Variants in ADAMTS20 observed in about 807,000 individuals in gnomAD.
ADAMTS20 encodes ADAM metallopeptidase with thrombospondin type 1 motif 20.
ADAMTS20 carries 225 observed loss-of-function variants against 260.1 expected under a neutral mutation model. The observed-to-expected ratio is 0.87, with a 90% CI of 0.78 to 0.97. ADAMTS20 has a LOEUF of 0.97. ADAMTS20 is among the 50% of genes least tolerant of loss of function. The pLI is 0.00. For synonymous variants in ADAMTS20, 802 were observed against 769.5 expected (o/e 1.04, Z -0.70); for missense variants, 2,400 against 2,337.7 (o/e 1.03, Z -0.55).
intron 7 of ADAMTS20, among the ~76,000 whole-genome samples, chr12:43,484,012 C>T (rs369422749): frequency 5.9e-5 from 9 of 152,248 alleles, no homozygotes; most frequent in South Asian, 2.1e-4. Flanking sequence ...CACATCACTA[C>T]GACTACCAGC....
chr12:43,382,572 A>G (rs901271378), intron 31 of ADAMTS20, among the ~76,000 whole-genome samples: 1 of 152,172 alleles, frequency 6.6e-6, no homozygotes, highest in African/African-American at 2.4e-5. Context: ...TGATGCTTGC[A>G]CATACAGGTG....
At chr12:43,474,716 T>C (rs1172870719) in intron 7 of ADAMTS20, among the ~76,000 whole-genome samples, 1 of 68,064 alleles carries the variant, frequency 1.5e-5, no homozygotes, top group African/African-American at 5.7e-5. Context: ...ATCCAGCATA[T>C]AAACAGAGCC....
chr12:43,461,361 A>C (rs1409284656), intron 11 of ADAMTS20, among the ~76,000 whole-genome samples: 2 of 152,096 alleles, frequency 1.3e-5, no homozygotes, highest in Non-Finnish European at 2.9e-5. Context: ...GTGCATCCAC[A>C]TTTGTTAAAA....
intron 7 of ADAMTS20, among the ~76,000 whole-genome samples, chr12:43,470,440 C>A (rs1212112237): frequency 6.6e-6 from 1 of 152,100 alleles, no homozygotes; most frequent in East Asian, 1.9e-4. Flanking sequence ...GATTAGAGAC[C>A]AAGCTCAAAT....
intron 14 of ADAMTS20, 122 bp downstream of exon 14, chr12:43,452,151 CT>C (rs1163935484): frequency 1.9e-6 from 2 of 1,033,640 alleles, no homozygotes; most frequent in African/African-American, 3.3e-5. Flanking sequence ...ACAAAGGTTG[CT>C]TTGTTGGAAT....
chr12:43,508,693 C>T (rs1942880160), intron 3 of ADAMTS20, among the ~76,000 whole-genome samples: 1 of 152,074 alleles, frequency 6.6e-6, no homozygotes, highest in Admixed American at 6.6e-5. Flanking sequence ...GCATATAGTA[C>T]ATAATAACAT....
intron 3 of ADAMTS20, among the ~76,000 whole-genome samples, chr12:43,513,239 G>A (rs1156769952): frequency 6.6e-6 from 1 of 152,152 alleles, no homozygotes; most frequent in Non-Finnish European, 1.5e-5. Flanking sequence ...AGACAATGGA[G>A]CACACTGGTC....
At chr12:43,438,199 C>T (rs1472894302) in intron 18 of ADAMTS20, among the ~76,000 whole-genome samples, 1 of 152,112 alleles carries the variant, frequency 6.6e-6, no homozygotes, top group Non-Finnish European at 1.5e-5. Context: ...CATGTTTTTC[C>T]AAACTTCCAT....
intron 2 of ADAMTS20, among the ~76,000 whole-genome samples, chr12:43,534,431 T>C (rs1943265744): frequency 6.6e-6 from 1 of 152,224 alleles, no homozygotes; most frequent in East Asian, 1.9e-4. Context: ...ACATTAACAA[T>C]GTATTTGCCC....
At chr12:43,506,784 T>C (rs1386746813) in intron 3 of ADAMTS20, among the ~76,000 whole-genome samples, 1 of 150,696 alleles carries the variant, frequency 6.6e-6, no homozygotes, top group East Asian at 1.9e-4. Flanking sequence ...GGCCACCTTT[T>C]TTTTTTTTTT....
intron 3 of ADAMTS20, among the ~76,000 whole-genome samples, chr12:43,522,060 G>A (rs1030340412): frequency 8.5e-5 from 13 of 152,154 alleles, no homozygotes; most frequent in South Asian, 2.1e-4. Context: ...TCGTTCTCAC[G>A]CTGCTATGAA....
chr12:43,467,347 T>G (rs928224530), intron 8 of ADAMTS20, among the ~76,000 whole-genome samples: 1 of 152,060 alleles, frequency 6.6e-6, no homozygotes, highest in Non-Finnish European at 1.5e-5. Context: ...GGCAGTCACA[T>G]CTTCATGACT....
At chr12:43,537,819 C>T (rs1413086439) in intron 2 of ADAMTS20, among the ~76,000 whole-genome samples, 2 of 152,160 alleles carry the variant, frequency 1.3e-5, no homozygotes, top group Non-Finnish European at 2.9e-5. Context: ...TCTCTAATTC[C>T]ATCCCCATTG....
chr12:43,389,955 T>A (rs61925138), intron 29 of ADAMTS20, among the ~76,000 whole-genome samples: 13,802 of 152,228 alleles, frequency 0.091, 768 homozygotes, highest in Admixed American at 0.17. Context: ...TGTGTGTCAG[T>A]GGAGATAGTC....
At chr12:43,516,700 C>G (rs934619591) in intron 3 of ADAMTS20, among the ~76,000 whole-genome samples, 1 of 151,920 alleles carries the variant, frequency 6.6e-6, no homozygotes, top group Non-Finnish European at 1.5e-5. Context: ...CTTCAATAGG[C>G]CCTCATCATC....
intron 8 of ADAMTS20, 60 bp downstream of exon 8, chr12:43,468,540 C>T (rs1391011764): frequency 9.6e-7 from 1 of 1,038,170 alleles, no homozygotes; most frequent in African/African-American, 1.6e-5. Context: ...GATAGAATTT[C>T]AGGCATTCTG....
rs1001484257 is a variant in ADAMTS20, at chr12:43,458,765, C to T, written c.1614+4130G>A. ...GTAATATTCTAGTCTCCCTCTAGAA[C>T]TTGAGCTACATAAGGGCAGAGATCT... On this transcript the variant is annotated intron_variant, in intron 11 of 38. Transcript: ENST00000389420. 2.0e-5 allele frequency among the ~76,000 whole-genome samples: 3 copies of T among 152,286 alleles called. No individual in the cohort carries two copies. In the South Asian group the frequency reaches 6.2e-4, roughly 32 times the overall value.
chr12:43,375,622 T>C, intron 35 of ADAMTS20, 110 bp from the exon 36 acceptor site: 2 of 1,209,782 alleles, frequency 1.7e-6, no homozygotes, highest in Non-Finnish European at 1.2e-6. Context: ...AATATTATAG[T>C]GTCAACAAGT....
At chr12:43,477,680 A>G (rs970921120) in intron 7 of ADAMTS20, among the ~76,000 whole-genome samples, 1 of 151,972 alleles carries the variant, frequency 6.6e-6, no homozygotes, top group African/African-American at 2.4e-5. Flanking sequence ...TCAATACACA[A>G]GCATGCAGGC....
Sources: allele counts gnomAD v4.1 joint callset (sites outside exome capture counted in the v4.1 genomes callset), GRCh38; gene constraint gnomAD v4.1.1; transcripts MANE v1.5; gene names NCBI Gene and HGNC (gene_info 2026-07-23, HGNC 2026-07-21).